PRTG: variants seen among roughly 807,000 people sequenced by gnomAD.
The protein encoded by PRTG is protogenin, also known as immunoglobulin superfamily, DCC subclass, member 5.
Under a neutral mutation model 122.5 loss-of-function variants are expected in PRTG, and 67 were observed. The ratio of observed to expected loss-of-function variants is 0.55; its 90% CI spans 0.45 to 0.67. PRTG has a LOEUF of 0.67. Ranked by LOEUF, PRTG falls within the 30% of genes least tolerant of loss-of-function variation. The pLI is 0.00. For missense variants in PRTG, 1,435 were observed against 1,415.4 expected, an observed-to-expected ratio of 1.01 and a Z score of -0.22; for synonymous variants, 554 against 501.1, an observed-to-expected ratio of 1.11 and a Z score of -1.41.
intron 11 of PRTG, among the ~76,000 whole-genome samples, chr15:55,653,125 T>C (rs1156322675): frequency 6.6e-6 from 1 of 152,228 alleles, no homozygotes; most frequent in Non-Finnish European, 1.5e-5. Flanking sequence ...CAAAATGTTA[T>C]AAATTTGTTG....
chr15:55,637,214 C>T lies in PRTG; in HGVS notation c.2579G>A (p.Arg860Lys). 6.2e-7 allele frequency: 1 copy of T among 1,611,698 alleles called. No homozygotes were observed. The highest frequency in any genetic ancestry group is 8.5e-7 in the Non-Finnish European group (1 of 1,179,072). Residue 860 changes from arginine to lysine, a missense_variant, in exon 15 of 20, where the codon AGG becomes AAG. Physicochemically the swap from Arg to Lys is conservative, Grantham distance 26. Coordinates refer to ENST00000389286, the MANE Select transcript of PRTG (RefSeq NM_173814.6). ...CCACTCTCCTGCAATCCAGGCCTTC[C>T]TAGATGCATATAAGATAGTATAGCG... Reference protein sequence around the residue: ...VTRYTILYASRKAWIAGEWQV... With the variant: ...VTRYTILYASKKAWIAGEWQV...
At chr15:55,701,444 G>T (rs887140444) in intron 2 of PRTG, among the ~76,000 whole-genome samples, 2 of 152,100 alleles carry the variant, frequency 1.3e-5, no homozygotes, top group Non-Finnish European at 2.9e-5. Flanking sequence ...TGAGACAGGA[G>T]AATTGCTTGA....
At chr15:55,627,254 A>G (rs745350928) in intron 16 of PRTG, 126 bp from the exon 17 acceptor site, 1 of 518,058 alleles carries the variant, frequency 1.9e-6, no homozygotes, top group Non-Finnish European at 3.3e-6. Flanking sequence ...CATTGTCAAC[A>G]TCAAAGCAGA....
At chr15:55,730,102 CGTT>C (rs2031178326) in intron 2 of PRTG, among the ~76,000 whole-genome samples, 1 of 152,048 alleles carries the variant, frequency 6.6e-6, no homozygotes, top group African/African-American at 2.4e-5. Context: ...TTAATTTCAG[CGTT>C]GTTACTTTTT....
chr15:55,723,642 G>A lies in PRTG; in HGVS notation c.397+16740C>T, dbSNP rs376178616. 1.7e-4 allele frequency among the ~76,000 whole-genome samples: 26 copies of A among 151,706 alleles called. No homozygotes were observed. The South Asian group carries it at 4.4e-3, about 25-fold the overall frequency. ...TCCACATAGAAATACATTTATAATCGAACAGTTGAGAGACAAAAAGAGAAA... is the reference window on the plus strand; with the variant it reads ...TCCACATAGAAATACATTTATAATCAAACAGTTGAGAGACAAAAAGAGAAA... On this transcript the variant is annotated intron_variant, in intron 2 of 19. Coordinates refer to ENST00000389286, the MANE Select transcript of PRTG (RefSeq NM_173814.6).
chr15:55,637,750 C>T (rs1021791856), intron 14 of PRTG, among the ~76,000 whole-genome samples: 5 of 152,080 alleles, frequency 3.3e-5, no homozygotes, highest in African/African-American at 4.8e-5. Flanking sequence ...GAAGAAAATG[C>T]TCCTGACATT....
intron 15 of PRTG, among the ~76,000 whole-genome samples, chr15:55,630,459 G>C (rs1432809794): frequency 6.6e-6 from 1 of 152,120 alleles, no homozygotes; most frequent in Non-Finnish European, 1.5e-5. Flanking sequence ...GATAAACAGG[G>C]AAGAAAATGC....
intron 11 of PRTG, among the ~76,000 whole-genome samples, chr15:55,642,602 A>C (rs1254849583): frequency 6.6e-6 from 1 of 151,262 alleles, no homozygotes; most frequent in Non-Finnish European, 1.5e-5. Context: ...CATCTCAAAA[A>C]AAAAAAAAAA....
chr15:55,690,620 C>G (rs970039780), intron 2 of PRTG, among the ~76,000 whole-genome samples: 5 of 152,028 alleles, frequency 3.3e-5, no homozygotes, highest in Admixed American at 3.3e-4. Context: ...ATTTGGGATG[C>G]TCAACCGGCG....
intron 2 of PRTG, among the ~76,000 whole-genome samples, chr15:55,736,790 C>T (rs1336872989): frequency 6.6e-6 from 1 of 152,106 alleles, no homozygotes; most frequent in East Asian, 1.9e-4. Flanking sequence ...GAAATATAAG[C>T]TAGCTTTATG....
rs553680331 is a variant in PRTG, at chr15:55,642,415, G to A, written c.2042-1207C>T. 3.3e-5 allele frequency among the ~76,000 whole-genome samples: 5 copies of A among 151,802 alleles called. No homozygotes were observed. In the South Asian group the frequency reaches 8.3e-4, roughly 25 times the overall value. On this transcript the variant is annotated intron_variant, in intron 11 of 19. Coordinates refer to ENST00000389286, the MANE Select transcript of PRTG (RefSeq NM_173814.6). ...GTGGGTCACCCGAGGTCGGGAGTTC[G>A]AGATGAGCCCTGCCAACATGGTGAA... is the stretch of plus-strand genomic sequence containing the variant.
chr15:55,742,271 G>A (rs1370908015), intron 1 of PRTG: 2 of 152,306 alleles, frequency 1.3e-5, no homozygotes, highest in Admixed American at 6.5e-5. Context: ...CTCCTGGCTG[G>A]ATCCAGATCC....
chr15:55,702,551 C>T (rs1258588923), intron 2 of PRTG, among the ~76,000 whole-genome samples: 3 of 152,062 alleles, frequency 2.0e-5, no homozygotes, highest in Non-Finnish European at 4.4e-5. Flanking sequence ...ATCTGAAGAA[C>T]CATAAGATGC....
chr15:55,670,458 A>C (rs2059462998), intron 11 of PRTG, among the ~76,000 whole-genome samples: 1 of 152,208 alleles, frequency 6.6e-6, no homozygotes, highest in African/African-American at 2.4e-5. Context: ...TCGAATCAAT[A>C]ATATGCAGGG....
chr15:55,615,050 A>G lies in PRTG; in HGVS notation c.*4962T>C, dbSNP rs1480619801. 1 of 152,086 alleles carries G rather than the reference A, an allele frequency of 6.6e-6. No homozygotes were observed. Among genetic ancestry groups the G allele is most frequent in the African/African-American group, 2.4e-5 (1 of 41,434 alleles). The allele number at this position is 152,086 out of a possible 1,614,324, so 9.4% of individuals were successfully genotyped here. On this transcript the variant is annotated 3_prime_UTR_variant, in exon 20 of 20. Transcript: ENST00000389286. ...TCAATGTGATCACTGGAATCCTTAA[A>G]CCTAGATAACCTGTATCAGCTGGGG...
chr15:55,626,225 G>A (rs537756569), intron 17 of PRTG, among the ~76,000 whole-genome samples: 56 of 152,178 alleles, frequency 3.7e-4, no homozygotes, highest in African/African-American at 1.3e-3. Context: ...AGACCAGCCT[G>A]GCCAACATGG....
Position 55,683,797 on chromosome 15 carries a change from T to A in PRTG, c.532A>T (p.Thr178Ser). ...WEFNRTTLPM[T>S]MDRITALPTG... ...AAAATCTACATCTACCTGTCCATAG[T>A]CATAGGTAGAGTTGTCCGATTGAAC... is the stretch of plus-strand genomic sequence containing the variant. The change falls in exon 3 of 20, where the codon ACT becomes TCT. Residue 178 changes from threonine to serine, a missense_variant. Physicochemically the swap from Thr to Ser is moderately conservative, Grantham distance 58. Coordinates refer to ENST00000389286, the MANE Select transcript of PRTG (RefSeq NM_173814.6). 4 of 1,613,516 alleles carry A rather than the reference T, an allele frequency of 2.5e-6. No individual in the cohort carries two copies. Among genetic ancestry groups the A allele is most frequent in the Non-Finnish European group, 3.4e-6 (4 of 1,179,652 alleles).
chr15:55,703,902 C>T (rs2029983411), intron 2 of PRTG, among the ~76,000 whole-genome samples: 1 of 152,142 alleles, frequency 6.6e-6, no homozygotes, highest in African/African-American at 2.4e-5. Flanking sequence ...ATCTGTCTTC[C>T]CAGCAACAGT....
At chr15:55,622,811 C>A (rs992577606) in intron 18 of PRTG, among the ~76,000 whole-genome samples, 1 of 152,134 alleles carries the variant, frequency 6.6e-6, no homozygotes, top group South Asian at 2.1e-4. Context: ...GCTGGAATTA[C>A]AGGCGTGAAC....
Sources: allele counts gnomAD v4.1 joint callset (sites outside exome capture counted in the v4.1 genomes callset), GRCh38; gene constraint gnomAD v4.1.1; transcripts MANE v1.5; gene names NCBI Gene and HGNC (gene_info 2026-07-23, HGNC 2026-07-21).